The following KCTD16 variants were observed in gnomAD, a reference collection of about 807,000 sequenced individuals.
The protein encoded by KCTD16 is potassium channel tetramerization domain containing 16, also known as BTB/POZ domain-containing protein KCTD16.
A neutral mutation model predicts 33.2 loss-of-function variants in KCTD16; 13 were observed. The ratio of observed to expected loss-of-function variants is 0.39; its 90% CI spans 0.25 to 0.62. The LOEUF (loss-of-function observed/expected upper bound fraction) is 0.62. Among genes scored for constraint, KCTD16 ranks in the 20% least tolerant of loss-of-function variants. The probability of loss-of-function intolerance (pLI) is 0.50; values close to 1 mark genes in which losing one functional copy is unlikely to be tolerated. For synonymous variants in KCTD16, 197 were observed against 195.3 expected, an observed-to-expected ratio of 1.01 and a Z score of -0.07; for missense variants, 441 against 525.1, an observed-to-expected ratio of 0.84 and a Z score of 1.57.
intron 3 of KCTD16, among the ~76,000 whole-genome samples, chr5:144,343,996 G>A (rs1096543): frequency 0.21 from 32,516 of 151,848 alleles, 3,921 homozygotes; most frequent in Non-Finnish European, 0.28. Flanking sequence ...GCATGGTACT[G>A]GTACCAAAAC....
At chr5:144,329,768 A>G (rs1752305597) in intron 3 of KCTD16, among the ~76,000 whole-genome samples, 1 of 152,206 alleles carries the variant, frequency 6.6e-6, no homozygotes, top group South Asian at 2.1e-4. Context: ...AGTTCCCACA[A>G]GTTTGCAGAA....
chr5:144,289,037 C>CA (rs1755825203), intron 3 of KCTD16, among the ~76,000 whole-genome samples: 1 of 151,702 alleles, frequency 6.6e-6, no homozygotes. Flanking sequence ...AACAAACAAA[C>CA]AAAAAAACAA....
At chr5:144,232,966 G>A (rs1212928216) in intron 3 of KCTD16, among the ~76,000 whole-genome samples, 3 of 152,044 alleles carry the variant, frequency 2.0e-5, no homozygotes, top group Non-Finnish European at 4.4e-5. Context: ...TGGTTTCCTA[G>A]GGTTGCATTT....
At position 144,477,584 on chromosome 5, in the gene KCTD16, A is replaced by G. The variant is rs1754622293; in HGVS notation, c.*3470A>G. ...CCATTACTGCCTGCGCTTCTGGATT[A>G]CTTTTGCTTTCCTGGGCTTTAGATT... On this transcript the variant is annotated 3_prime_UTR_variant, in exon 4 of 4. Transcript: ENST00000512467. 1 of 152,088 alleles carries G rather than the reference A, an allele frequency of 6.6e-6. No homozygotes were observed. The allele number at this position is 152,088 out of a possible 1,614,324, so 9.4% of individuals were successfully genotyped here.
intron 2 of KCTD16, chr5:144,205,592 T>C: frequency 2.5e-6 from 1 of 398,722 alleles, no homozygotes; most frequent in Non-Finnish European, 4.4e-6. Context: ...CATCTCTCCA[T>C]CTTTCTGCTT....
intron 3 of KCTD16, among the ~76,000 whole-genome samples, chr5:144,256,795 T>TTCAGGTATACAATACAAAAAAA (rs755964588): frequency 0.015 from 2,285 of 152,018 alleles, 34 homozygotes; most frequent in Middle Eastern, 0.034. Flanking sequence ...TACCAAAAAC[T>TTCAGGTATACAATACAAAAAAA]TTAGGACTTT....
intron 3 of KCTD16, among the ~76,000 whole-genome samples, chr5:144,391,728 T>C (rs1442739192): frequency 6.6e-6 from 1 of 152,236 alleles, no homozygotes; most frequent in Non-Finnish European, 1.5e-5. Flanking sequence ...TGGATGAAAA[T>C]ATTCTTTGTA....
intron 3 of KCTD16, among the ~76,000 whole-genome samples, chr5:144,347,175 C>T (rs181447038): frequency 1.2e-4 from 19 of 152,240 alleles, no homozygotes; most frequent in South Asian, 2.1e-4. Flanking sequence ...CCATTGAGCA[C>T]GTAAGCTGTG....
chr5:144,261,306 G>A (rs1409296040), intron 3 of KCTD16, among the ~76,000 whole-genome samples: 1 of 151,678 alleles, frequency 6.6e-6, no homozygotes, highest in Non-Finnish European at 1.5e-5. Flanking sequence ...TACCAGATTA[G>A]TATCTTATAA....
rs538225692 is a variant in KCTD16 at position 144,336,975 on chromosome 5, CAT to C, written c.832+129442_832+129443del. Among the ~76,000 whole-genome samples the C allele has an allele frequency of 1.4e-3, 203 of 149,714 alleles. 1 individual carries two copies. Among genetic ancestry groups the C allele is most frequent in the African/African-American group, 3.8e-3 (155 of 40,972 alleles). On this transcript the variant is annotated intron_variant, in intron 3 of 3. Transcript: ENST00000512467. ...GTTCATATTCATACATAATTGTAGTCATATATATATATATTTAATATATATAA... is the reference window on the plus strand; with the variant it reads ...GTTCATATTCATACATAATTGTAGTCATATATATATATTTAATATATATAA...
chr5:144,408,557 C>T (rs1295931225), intron 3 of KCTD16, among the ~76,000 whole-genome samples: 1 of 152,182 alleles, frequency 6.6e-6, no homozygotes, highest in Non-Finnish European at 1.5e-5. Flanking sequence ...AATTTTCACC[C>T]TGATCTGTGT....
At chr5:144,311,477 T>C (rs549725390) in intron 3 of KCTD16, among the ~76,000 whole-genome samples, 1 of 152,220 alleles carries the variant, frequency 6.6e-6, no homozygotes, top group East Asian at 1.9e-4. Context: ...TAATTAGAAA[T>C]AGATGCAAAG....
intron 3 of KCTD16, among the ~76,000 whole-genome samples, chr5:144,465,306 A>G (rs577088397): frequency 6.7e-6 from 1 of 150,322 alleles, no homozygotes; most frequent in East Asian, 2.0e-4. Flanking sequence ...GTTTATCTTC[A>G]CTGTAATCAA....
At chr5:144,181,184 C>T in intron 2 of KCTD16, among the ~76,000 whole-genome samples, 1 of 152,194 alleles carries the variant, frequency 6.6e-6, no homozygotes, top group East Asian at 1.9e-4. Context: ...CCGCCCGCCT[C>T]TGCCTCCCAA....
intron 3 of KCTD16, among the ~76,000 whole-genome samples, chr5:144,267,801 T>A (rs1380949317): frequency 6.6e-6 from 1 of 152,180 alleles, no homozygotes; most frequent in Non-Finnish European, 1.5e-5. Flanking sequence ...TTCACTTTTC[T>A]GCTTGTTTAC....
chr5:144,473,916 C>T lies in KCTD16; in HGVS notation c.1089C>T (p.Ser363=), dbSNP rs374565442. Residue 363 remains serine (S), a synonymous_variant, in exon 4 of 4, where the codon AGC becomes AGT. Transcript: ENST00000512467. ...AACAGTCAGAGATGCGGCGGAAAAG[C>T]GACTTACTCCGGACTCTGACTTCAG... is the stretch of plus-strand genomic sequence containing the variant. ...LIQQSEMRRK[S]DLLRTLTSGS... is the part of the protein sequence containing the mutation. The T allele has an allele frequency of 3.6e-5, 58 of 1,613,838 alleles. No individual in the cohort carries two copies. The highest frequency in any genetic ancestry group is 4.4e-5 in the Non-Finnish European group (52 of 1,179,994).
At chr5:144,233,793 G>C (rs1400606185) in intron 3 of KCTD16, among the ~76,000 whole-genome samples, 2 of 152,152 alleles carry the variant, frequency 1.3e-5, no homozygotes, top group Non-Finnish European at 2.9e-5. Context: ...CCAGGTGTTT[G>C]AATTGTGCCA....
At chr5:144,381,425 C>T (rs1752212303) in intron 3 of KCTD16, among the ~76,000 whole-genome samples, 1 of 152,176 alleles carries the variant, frequency 6.6e-6, no homozygotes, top group Non-Finnish European at 1.5e-5. Flanking sequence ...ATACCTGAGA[C>T]TGGGCAATAT....
intron 3 of KCTD16, among the ~76,000 whole-genome samples, chr5:144,219,950 A>G (rs1753689970): frequency 6.6e-6 from 1 of 152,170 alleles, no homozygotes; most frequent in Non-Finnish European, 1.5e-5. Flanking sequence ...CCACTGGTCT[A>G]ACTCTGCACT....
Sources: allele counts gnomAD v4.1 joint callset (sites outside exome capture counted in the v4.1 genomes callset), GRCh38; gene constraint gnomAD v4.1.1; transcripts MANE v1.5; gene names NCBI Gene and HGNC (gene_info 2026-07-23, HGNC 2026-07-21).